RELN: variants seen among roughly 807,000 people sequenced by gnomAD.
The protein encoded by RELN is reelin.
In RELN, 108 loss-of-function variants were observed where a neutral mutation model predicts 427.6. That is an observed-to-expected ratio of 0.25 (90% CI 0.22 to 0.30). The LOEUF (loss-of-function observed/expected upper bound fraction) is 0.30, where lower values mean the gene tolerates loss of function less well. Ranked by LOEUF, RELN falls within the 10% of genes least tolerant of loss-of-function variation. The pLI is 1.00. For missense variants in RELN, 3,715 were observed against 4,302.8 expected (o/e 0.86, Z 3.82); for synonymous variants, 1,524 against 1,513.4 (o/e 1.01, Z -0.16).
chr7:103,832,071 G>A (rs1793287103), intron 3 of RELN, among the ~76,000 whole-genome samples: 1 of 152,140 alleles, frequency 6.6e-6, no homozygotes, highest in Non-Finnish European at 1.5e-5. Flanking sequence ...GGCAGCTTGT[G>A]TAACTCAGAG....
At chr7:103,581,336 T>C (rs1831125282) in intron 28 of RELN, among the ~76,000 whole-genome samples, 1 of 152,112 alleles carries the variant, frequency 6.6e-6, no homozygotes, top group South Asian at 2.1e-4. Flanking sequence ...AGTGGGAGTA[T>C]CTCTTGTGGT....
chr7:103,791,408 C>T (rs574886411), intron 3 of RELN, among the ~76,000 whole-genome samples: 1 of 152,186 alleles, frequency 6.6e-6, no homozygotes, highest in East Asian at 1.9e-4. Flanking sequence ...ATGTATAGAT[C>T]AATAGAACAG....
intron 62 of RELN, 102 bp downstream of exon 62, chr7:103,483,551 G>T: frequency 4.3e-6 from 5 of 1,163,138 alleles, no homozygotes; most frequent in Non-Finnish European, 6.5e-6. Context: ...TTGTGGCATT[G>T]GTGCATTAAC....
chr7:103,588,816 T>TC (rs1831339924), intron 28 of RELN, among the ~76,000 whole-genome samples: 1 of 152,008 alleles, frequency 6.6e-6, no homozygotes. Context: ...ACAAGAAATC[T>TC]CCCCCACCAA....
At chr7:103,888,829 A>T (rs1794781494) in intron 2 of RELN, among the ~76,000 whole-genome samples, 1 of 152,106 alleles carries the variant, frequency 6.6e-6, no homozygotes, top group East Asian at 1.9e-4. Context: ...CAAACTACAC[A>T]ACACTGCGAG....
chr7:103,975,846 G>A (rs766069924), intron 1 of RELN, among the ~76,000 whole-genome samples: 36 of 151,540 alleles, frequency 2.4e-4, no homozygotes, highest in Non-Finnish European at 8.8e-5. Flanking sequence ...GCACCCGGCC[G>A]GAATGGAGCA....
chr7:103,593,654 C>T, intron 27 of RELN, 28 bp downstream of exon 27: 1 of 1,588,216 alleles, frequency 6.3e-7, no homozygotes, highest in Non-Finnish European at 8.6e-7. Context: ...CCTTAACTTG[C>T]TCTGGGAAGA....
chr7:103,614,924 T>C (rs1046177483), intron 20 of RELN, among the ~76,000 whole-genome samples: 2 of 152,212 alleles, frequency 1.3e-5, no homozygotes, highest in Admixed American at 1.3e-4. Context: ...GGTCTGTTTT[T>C]TTTCACAGAC....
At chr7:103,867,276 G>C (rs1177640325) in intron 2 of RELN, among the ~76,000 whole-genome samples, 1 of 151,740 alleles carries the variant, frequency 6.6e-6, no homozygotes, top group Non-Finnish European at 1.5e-5. Context: ...TTTAAAAAGA[G>C]AAACTCAATA....
intron 64 of RELN, among the ~76,000 whole-genome samples, chr7:103,474,555 T>A (rs1011659760): frequency 1.8e-4 from 27 of 152,156 alleles, no homozygotes; most frequent in Admixed American, 1.3e-4. Context: ...GACCCAAATT[T>A]ATCCATTTAT....
At chr7:103,789,003 T>C (rs920256708) in intron 3 of RELN, among the ~76,000 whole-genome samples, 8 of 151,938 alleles carry the variant, frequency 5.3e-5, no homozygotes, top group African/African-American at 1.2e-4. Context: ...CATAGACGAA[T>C]GGAACAGAAC....
At chr7:103,971,843 C>T (rs549548922) in intron 1 of RELN, among the ~76,000 whole-genome samples, 268 of 131,422 alleles carry the variant, frequency 2.0e-3, no homozygotes, top group Middle Eastern at 7.5e-3. Context: ...GAAGCTGAAG[C>T]GGGAGGATCA....
chr7:103,858,392 T>C (rs1793995671), intron 2 of RELN, among the ~76,000 whole-genome samples: 2 of 152,196 alleles, frequency 1.3e-5, no homozygotes, highest in South Asian at 4.1e-4. Flanking sequence ...TTCAATATAC[T>C]GTCTGTTCAC....
At chr7:103,764,273 A>G (rs963328743) in intron 4 of RELN, among the ~76,000 whole-genome samples, 1 of 152,202 alleles carries the variant, frequency 6.6e-6, no homozygotes, top group African/African-American at 2.4e-5. Context: ...TGGGCACAAA[A>G]TATTGTACCA....
rs963610423 is a variant in RELN at position 103,749,446 on chromosome 7, C to A, written c.636G>T (p.Leu212=). Reference sequence around the variant, plus strand: ...CTTACCATATATTTGGATTTAATTGCAGTTGGTGGTAGGAGTCAAAGTCAT... The same window carrying A: ...CTTACCATATATTTGGATTTAATTGAAGTTGGTGGTAGGAGTCAAAGTCAT... ...LRDDFDSYHQ[L]QLNPNIWVEC... The change falls in exon 6 of 65, where the codon CTG becomes CTT. Residue 212 remains leucine (L), a synonymous_variant. Transcript: ENST00000428762. The A allele has an allele frequency of 1.2e-6, 2 of 1,612,848 alleles. No homozygotes were observed. The highest frequency in any genetic ancestry group is 1.7e-5 in the Admixed American group (1 of 60,012).
chr7:103,910,440 C>T (rs1304576510), intron 2 of RELN, among the ~76,000 whole-genome samples: 1 of 151,770 alleles, frequency 6.6e-6, no homozygotes. Context: ...CCAGAACTTC[C>T]AACACTATGT....
intron 1 of RELN, among the ~76,000 whole-genome samples, chr7:103,924,227 G>A (rs562828246): frequency 6.4e-4 from 97 of 152,110 alleles, no homozygotes; most frequent in Non-Finnish European, 1.0e-3. Flanking sequence ...TCTGTAGAAT[G>A]TACTTAACCT....
intron 12 of RELN, among the ~76,000 whole-genome samples, chr7:103,656,094 G>A (rs918361351): frequency 6.6e-6 from 1 of 151,882 alleles, no homozygotes; most frequent in South Asian, 2.1e-4. Flanking sequence ...CCTCATTAAG[G>A]TCACCTATGA....
chr7:103,782,610 G>A (rs1791919809), intron 3 of RELN, among the ~76,000 whole-genome samples: 1 of 152,016 alleles, frequency 6.6e-6, no homozygotes, highest in Non-Finnish European at 1.5e-5. Context: ...AACATATGAA[G>A]GAATCAGAGG....
Sources: allele counts gnomAD v4.1 joint callset (sites outside exome capture counted in the v4.1 genomes callset), GRCh38; gene constraint gnomAD v4.1.1; transcripts MANE v1.5; gene names NCBI Gene and HGNC (gene_info 2026-07-23, HGNC 2026-07-21).